Variants in SRPK2 observed in about 807,000 individuals in gnomAD.
The protein encoded by SRPK2 is SFRS protein kinase 2.
Under a neutral mutation model 90.8 loss-of-function variants are expected in SRPK2, and 21 were observed. That is an observed-to-expected ratio of 0.23 (90% CI 0.16 to 0.33). SRPK2 has a LOEUF of 0.33. Ranked by LOEUF, SRPK2 falls within the 10% of genes least tolerant of loss-of-function variation. The pLI, the probability that SRPK2 is intolerant of heterozygous loss-of-function variation, is 1.00. For missense variants in SRPK2, 620 were observed against 869.0 expected (o/e 0.71, Z 3.60); for synonymous variants, 288 against 311.1 (o/e 0.93, Z 0.78).
At chr7:105,371,803 T>G (rs559784803) in intron 2 of SRPK2, among the ~76,000 whole-genome samples, 2 of 152,152 alleles carry the variant, frequency 1.3e-5, no homozygotes, top group African/African-American at 4.8e-5. Flanking sequence ...CTCCACAGCT[T>G]TGCTGTAAAT....
intron 3 of SRPK2, among the ~76,000 whole-genome samples, chr7:105,197,106 G>A (rs1372285978): frequency 1.3e-5 from 2 of 151,974 alleles, no homozygotes; most frequent in East Asian, 1.9e-4. Context: ...GGGGCAGGGA[G>A]GGAAGGAGAA....
chr7:105,166,399 T>G (rs749897156), intron 6 of SRPK2, among the ~76,000 whole-genome samples: 16 of 152,214 alleles, frequency 1.1e-4, no homozygotes, highest in Non-Finnish European at 1.9e-4. Context: ...CGTTAATGTC[T>G]TTGGTGAGTT....
chr7:105,144,832 C>T (rs192911754), intron 9 of SRPK2, among the ~76,000 whole-genome samples: 265 of 152,150 alleles, frequency 1.7e-3, no homozygotes, highest in Non-Finnish European at 2.4e-3. Context: ...ACAGGCTGGG[C>T]GTGGTGGTTC....
At chr7:105,193,766 A>G (rs1373608988) in intron 3 of SRPK2, among the ~76,000 whole-genome samples, 1 of 152,258 alleles carries the variant, frequency 6.6e-6, no homozygotes, top group African/African-American at 2.4e-5. Flanking sequence ...CTCAATGCAG[A>G]AAACAAAGAA....
chr7:105,324,813 G>A (rs533282504), intron 2 of SRPK2, among the ~76,000 whole-genome samples: 6 of 152,254 alleles, frequency 3.9e-5, no homozygotes, highest in East Asian at 1.9e-4. Context: ...CTTGAGCCAC[G>A]GAGGCGGAGG....
chr7:105,163,128 T>G (rs80347129), intron 6 of SRPK2, among the ~76,000 whole-genome samples: 1 of 152,204 alleles, frequency 6.6e-6, no homozygotes, highest in African/African-American at 2.4e-5. Flanking sequence ...AAAAAGTCTA[T>G]GGAAAATGTG....
rs1448018804 is a variant in SRPK2 at position 105,117,442 on chromosome 7, T to C, written c.*396A>G. On this transcript the variant is annotated 3_prime_UTR_variant, in exon 16 of 16. Coordinates refer to ENST00000393651, the MANE Select transcript of SRPK2 (RefSeq NM_182692.3). Reference sequence around the variant, plus strand: ...TCCTTGCTATTTCTTGGTTCCAACTTGATAATTTCTTAAGATTGTAAATTA... The same window carrying C: ...TCCTTGCTATTTCTTGGTTCCAACTCGATAATTTCTTAAGATTGTAAATTA... The C allele has an allele frequency of 1.6e-5, 3 of 190,188 alleles. No homozygotes were observed. Among genetic ancestry groups the C allele is most frequent in the Non-Finnish European group, 3.2e-5 (3 of 93,306 alleles). 11.8% of individuals were successfully genotyped at this position (190,188 alleles called of 1,614,324 possible). A position where few individuals can be genotyped will look rare whatever the true frequency, so the allele number is the denominator to read the frequency against.
chr7:105,355,812 C>T (rs929630359), intron 2 of SRPK2, among the ~76,000 whole-genome samples: 1 of 152,096 alleles, frequency 6.6e-6, no homozygotes, highest in African/African-American at 2.4e-5. Context: ...CTTTGGGAGG[C>T]TGAGGCAAGC....
chr7:105,383,104 G>A (rs1336473054), intron 2 of SRPK2, among the ~76,000 whole-genome samples: 9 of 113,222 alleles, frequency 7.9e-5, no homozygotes, highest in African/African-American at 1.0e-4. Context: ...TCGCTCTATC[G>A]CCCAGGCTGG....
chr7:105,231,092 C>T (rs1010433587), intron 2 of SRPK2, among the ~76,000 whole-genome samples: 19 of 152,130 alleles, frequency 1.2e-4, no homozygotes, highest in Non-Finnish European at 1.6e-4. Context: ...CACCCTCCCT[C>T]GCCAAGTAGA....
intron 4 of SRPK2, among the ~76,000 whole-genome samples, chr7:105,168,672 A>G (rs754351876): frequency 1.3e-5 from 2 of 151,378 alleles, no homozygotes; most frequent in African/African-American, 2.4e-5. Context: ...AATATTACAC[A>G]CCAACCTAAT....
At chr7:105,266,089 A>G (rs531181862) in intron 2 of SRPK2, among the ~76,000 whole-genome samples, 35 of 152,302 alleles carry the variant, frequency 2.3e-4, no homozygotes, top group Non-Finnish European at 4.1e-4. Context: ...AGGTAAAAAC[A>G]TAATTTTAGA....
intron 7 of SRPK2, among the ~76,000 whole-genome samples, chr7:105,155,947 T>C (rs565141092): frequency 6.6e-6 from 1 of 152,194 alleles, no homozygotes; most frequent in African/African-American, 2.4e-5. Context: ...ATTATAAATG[T>C]TTGGGACATC....
intron 2 of SRPK2, among the ~76,000 whole-genome samples, chr7:105,226,231 A>G (rs1423988460): frequency 6.6e-6 from 1 of 152,136 alleles, no homozygotes; most frequent in Non-Finnish European, 1.5e-5. Context: ...ACAAAATGGA[A>G]GATATATTTT....
At chr7:105,334,588 A>C (rs1814838444) in intron 2 of SRPK2, among the ~76,000 whole-genome samples, 1 of 151,946 alleles carries the variant, frequency 6.6e-6, no homozygotes, top group Admixed American at 6.6e-5. Flanking sequence ...CTGTAATCCC[A>C]GTACTTTGGG....
intron 2 of SRPK2, among the ~76,000 whole-genome samples, chr7:105,273,364 T>TC (rs1190402617): frequency 6.6e-6 from 1 of 151,946 alleles, no homozygotes; most frequent in Non-Finnish European, 1.5e-5. Context: ...CAGTTTCCTC[T>TC]CCCTGGAATA....
chr7:105,378,743 C>T (rs1003108107), intron 2 of SRPK2, among the ~76,000 whole-genome samples: 3 of 132,620 alleles, frequency 2.3e-5, no homozygotes, highest in African/African-American at 8.4e-5. Flanking sequence ...AGTCTGGCAA[C>T]AGAGAAAGAC....
chr7:105,282,924 T>G (rs183423355), intron 2 of SRPK2, among the ~76,000 whole-genome samples: 1 of 147,780 alleles, frequency 6.8e-6, no homozygotes, highest in South Asian at 2.1e-4. Context: ...CCAGAATATA[T>G]AAAGAACTCT....
At chr7:105,195,086 A>G (rs1794752742) in intron 3 of SRPK2, among the ~76,000 whole-genome samples, 1 of 152,158 alleles carries the variant, frequency 6.6e-6, no homozygotes, top group Non-Finnish European at 1.5e-5. Context: ...GTCTCGTTCT[A>G]TCGCCCAGGC....
Sources: gnomAD v4.1 joint callset for allele counts (sites outside exome capture counted in the v4.1 genomes callset) on GRCh38, gnomAD v4.1.1 for gene constraint, MANE v1.5 for transcripts, NCBI Gene and HGNC (gene_info 2026-07-23, HGNC 2026-07-21) for gene names.